The following BCKDHB variants were observed in gnomAD, a reference collection of about 807,000 sequenced individuals.
BCKDHB encodes the protein 2-oxoisovalerate dehydrogenase subunit beta, mitochondrial.
BCKDHB carries 41 observed loss-of-function variants against 48.5 expected under a neutral mutation model. That is an observed-to-expected ratio of 0.85 (90% CI 0.66 to 1.10). The LOEUF is 1.10. BCKDHB is among the 50% of genes least tolerant of loss of function. The probability of loss-of-function intolerance (pLI) is 0.00; values close to 1 mark genes in which losing one functional copy is unlikely to be tolerated. For missense variants in BCKDHB, 496 were observed against 494.2 expected, an observed-to-expected ratio of 1.00 and a Z score of -0.03; for synonymous variants, 201 against 174.8, an observed-to-expected ratio of 1.15 and a Z score of -1.18.
chr6:80,240,195 C>T (rs1260150513), intron 8 of BCKDHB, among the ~76,000 whole-genome samples: 2 of 152,114 alleles, frequency 1.3e-5, no homozygotes, highest in African/African-American at 2.4e-5. Flanking sequence ...AAGTCATTGT[C>T]AGCTTGATGG....
chr6:80,417,173 C>T, the BCKDHB span, among the ~76,000 whole-genome samples: 1 of 151,954 alleles, frequency 6.6e-6, no homozygotes, highest in East Asian at 1.9e-4. Flanking sequence ...ATTGCAACTC[C>T]TTTTTTTCTG....
chr6:80,120,611 G>A (rs145392057), intron 1 of BCKDHB, among the ~76,000 whole-genome samples: 1,923 of 152,168 alleles, frequency 0.013, 37 homozygotes, highest in African/African-American at 0.044. Context: ...TCTGATGACC[G>A]GTGATGATAA....
At chr6:80,249,110 G>T (rs1212975582) in intron 8 of BCKDHB, among the ~76,000 whole-genome samples, 1 of 151,742 alleles carries the variant, frequency 6.6e-6, no homozygotes, top group Non-Finnish European at 1.5e-5. Context: ...GCTGTTCTGT[G>T]CATTGTAGGA....
chr6:80,233,624 T>A (rs1776025525), intron 8 of BCKDHB, among the ~76,000 whole-genome samples: 1 of 152,206 alleles, frequency 6.6e-6, no homozygotes, highest in African/African-American at 2.4e-5. Flanking sequence ...TTTCTTCAGG[T>A]AAAGGTCACA....
rs549491826 is a variant in BCKDHB, at chr6:80,339,496, G to T, written c.1039-4168G>T. 7.0e-4 allele frequency among the ~76,000 whole-genome samples: 106 copies of T among 152,298 alleles called. 1 individual carries two copies. The highest frequency in any genetic ancestry group is 2.5e-3 in the African/African-American group (103 of 41,568). On this transcript the variant is annotated intron_variant, in intron 9 of 9. Coordinates refer to ENST00000320393, the MANE Select transcript of BCKDHB (RefSeq NM_183050.4). ...TTTTGCCTGTGTCTGTGACTTTAAT[G>T]ATTTGGAATTGTTATTTCACATTGT...
At position 80,243,668 on chromosome 6, in the gene BCKDHB, G is replaced by A. The variant is rs180915393; in HGVS notation, c.952-29467G>A. 3.7e-3 allele frequency among the ~76,000 whole-genome samples: 560 copies of A among 152,204 alleles called. 2 individuals carry two copies. Among genetic ancestry groups the A allele is most frequent in the Non-Finnish European group, 4.8e-3 (326 of 68,008 alleles). On this transcript the variant is annotated intron_variant, in intron 8 of 9. Coordinates refer to ENST00000320393, the MANE Select transcript of BCKDHB (RefSeq NM_183050.4). ...CCACCTCAGCCTCCCGAGTAACTGG[G>A]ACCACAGGTGTGCACTTCTGTGCCC...
At chr6:80,181,851 T>TACAGG (rs1773426734) in intron 6 of BCKDHB, among the ~76,000 whole-genome samples, 1 of 152,174 alleles carries the variant, frequency 6.6e-6, no homozygotes, top group African/African-American at 2.4e-5. Flanking sequence ...AGGGTGTGAA[T>TACAGG]ACAGGGAGAT....
intron 3 of BCKDHB, among the ~76,000 whole-genome samples, chr6:80,147,093 C>T (rs879934775): frequency 1.3e-5 from 2 of 151,928 alleles, no homozygotes; most frequent in Non-Finnish European, 2.9e-5. Flanking sequence ...TTTTACATGC[C>T]CAGCACTGTT....
rs559283527 is a variant in BCKDHB at position 80,108,012 on chromosome 6, A to G, written c.196+1123A>G. Among the ~76,000 whole-genome samples, 4 of 152,300 alleles carry G rather than the reference A, an allele frequency of 2.6e-5. No homozygotes were observed. In the East Asian group the frequency reaches 7.7e-4, roughly 29 times the overall value. On this transcript the variant is annotated intron_variant, in intron 1 of 9. Coordinates refer to ENST00000320393, the MANE Select transcript of BCKDHB (RefSeq NM_183050.4). Reference sequence around the variant, plus strand: ...AATGAACAGTTATTGAGTGCTTACCAGGGTCAGGTGCTGTGTGTATGTTTC... The same window carrying G: ...AATGAACAGTTATTGAGTGCTTACCGGGGTCAGGTGCTGTGTGTATGTTTC...
chr6:80,414,921 C>T, the BCKDHB span, among the ~76,000 whole-genome samples: 1 of 151,916 alleles, frequency 6.6e-6, no homozygotes, highest in Non-Finnish European at 1.5e-5. Context: ...TGTGTCATTC[C>T]TGATTTCTTT....
the BCKDHB span, among the ~76,000 whole-genome samples, chr6:80,436,710 T>C: frequency 6.6e-6 from 1 of 152,214 alleles, no homozygotes; most frequent in Non-Finnish European, 1.5e-5. Context: ...ATATTATAAA[T>C]ATTTGATTAA....
intron 8 of BCKDHB, among the ~76,000 whole-genome samples, chr6:80,204,611 A>C (rs2127829253): frequency 6.6e-6 from 1 of 152,140 alleles, no homozygotes; most frequent in African/African-American, 2.4e-5. Flanking sequence ...CGCAGTGCGG[A>C]GGGCATTCAC....
intron 8 of BCKDHB, among the ~76,000 whole-genome samples, chr6:80,243,183 A>G (rs1407288185): frequency 6.6e-6 from 1 of 152,204 alleles, no homozygotes; most frequent in Admixed American, 6.5e-5. Flanking sequence ...TACTGAGACT[A>G]GAAGTACAGG....
At chr6:80,208,075 C>G (rs577354780) in intron 8 of BCKDHB, among the ~76,000 whole-genome samples, 6 of 151,862 alleles carry the variant, frequency 4.0e-5, no homozygotes, top group Admixed American at 2.0e-4. Flanking sequence ...TGGCCAAATG[C>G]TGGGGCATAA....
At chr6:80,164,122 T>C (rs575818162) in intron 3 of BCKDHB, among the ~76,000 whole-genome samples, 7 of 152,148 alleles carry the variant, frequency 4.6e-5, no homozygotes, top group Non-Finnish European at 1.0e-4. Flanking sequence ...TTCCTGTTTT[T>C]CTCACTCACC....
the BCKDHB span, among the ~76,000 whole-genome samples, chr6:80,413,643 G>A: frequency 6.6e-6 from 1 of 152,144 alleles, no homozygotes; most frequent in Non-Finnish European, 1.5e-5. Context: ...TTCTCGTTAT[G>A]CCTGCATAGT....
the BCKDHB span, among the ~76,000 whole-genome samples, chr6:80,367,028 C>G: frequency 6.6e-6 from 1 of 152,184 alleles, no homozygotes; most frequent in African/African-American, 2.4e-5. Flanking sequence ...CTCTTAAACA[C>G]TTATCCTGTG....
At chr6:80,293,924 A>G (rs1385645861) in intron 9 of BCKDHB, among the ~76,000 whole-genome samples, 2 of 152,124 alleles carry the variant, frequency 1.3e-5, no homozygotes, top group African/African-American at 4.8e-5. Flanking sequence ...CAAGTTCTTC[A>G]TCTCTATCTG....
chr6:80,424,879 A>G, the BCKDHB span, among the ~76,000 whole-genome samples: 1 of 152,350 alleles, frequency 6.6e-6, no homozygotes, highest in Non-Finnish European at 1.5e-5. Context: ...ATGGAAAGCC[A>G]TGGGATCTGG....
Sources: gnomAD v4.1 joint callset for allele counts (sites outside exome capture counted in the v4.1 genomes callset) on GRCh38, gnomAD v4.1.1 for gene constraint, MANE v1.5 for transcripts, NCBI Gene and HGNC (gene_info 2026-07-23, HGNC 2026-07-21) for gene names.